The following HNRNPDL variants were observed in gnomAD, a reference collection of about 807,000 sequenced individuals.
HNRNPDL encodes the protein heterogeneous nuclear ribonucleoprotein D-like.
A neutral mutation model predicts 48.0 loss-of-function variants in HNRNPDL; 18 were observed. The observed-to-expected ratio is 0.38, with a 90% CI of 0.26 to 0.56. The LOEUF (loss-of-function observed/expected upper bound fraction) is 0.56, where lower values mean the gene tolerates loss of function less well. HNRNPDL is among the 20% of genes least tolerant of loss of function. HNRNPDL has a pLI of 0.77. For synonymous variants in HNRNPDL, 306 were observed against 207.3 expected (o/e 1.48, Z -4.09); for missense variants, 553 against 540.7 (o/e 1.02, Z -0.23).
rs1231950760 is a variant in HNRNPDL, at chr4:82,429,356, G to A, written c.335C>T (p.Pro112Leu). Residue 112 changes from proline (P) to leucine (L), a missense_variant, in exon 1 of 8, where the codon CCC becomes CTC. By Grantham distance (98) the Pro-to-Leu change is moderately conservative. Transcript: ENST00000295470. ...AAATRTARQHPPADSSVTMED... is the reference protein window; with the variant it reads ...AAATRTARQHLPADSSVTMED... ...CATAGTGACGGAGCTGTCGGCAGGG[G>A]GGTGCTGGCGCGCAGTCCGGGTCGC... 9.3e-6 allele frequency: 15 copies of A among 1,613,668 alleles called. No homozygotes were observed. The highest frequency in any genetic ancestry group is 1.7e-4 in the Middle Eastern group (1 of 6,060).
At chr4:82,426,250 A>G (rs1721401908) in intron 6 of HNRNPDL, 121 bp from the exon 7 acceptor site, 2 of 973,508 alleles carry the variant, frequency 2.1e-6, no homozygotes, top group Non-Finnish European at 1.6e-6. Flanking sequence ...ATATTTTAGC[A>G]CCCATTAGAT....
chr4:82,429,225 G>A (rs2110030821), intron 1 of HNRNPDL, 23 bp downstream of exon 1: 7 of 1,608,526 alleles, frequency 4.4e-6, no homozygotes, highest in Non-Finnish European at 6.0e-6. Context: ...GGGAGGGGGA[G>A]CGGGGGAAGA....
chr4:82,429,394 G>C lies in HNRNPDL; in HGVS notation c.297C>G (p.Ala99=). 1 of 1,613,470 alleles carries C rather than the reference G, an allele frequency of 6.2e-7. No homozygotes were observed. Residue 99 remains alanine, a synonymous_variant, in exon 1 of 8, where the codon GCC becomes GCG. Coordinates refer to ENST00000295470, the MANE Select transcript of HNRNPDL (RefSeq NM_031372.4). The part of the protein sequence containing the change: ...HFKSSSIQRS[A]AAAAATRTAR... The stretch of plus-strand genomic sequence containing the variant: ...CAGTCCGGGTCGCGGCAGCAGCGGC[G>C]GCGGAGCGTTGTATGGAGCTGGATT...
rs1329540036 is a variant in HNRNPDL, at chr4:82,430,270, CTG to C, written c.-582_-581del. 6.6e-6 allele frequency: 1 copy of C among 152,448 alleles called. No homozygotes were observed. Among genetic ancestry groups the C allele is most frequent in the African/African-American group, 2.4e-5 (1 of 41,364 alleles). 9.4% of individuals were successfully genotyped at this position (152,448 alleles called of 1,614,324 possible). A position where few individuals can be genotyped will look rare whatever the true frequency, so the allele number is the denominator to read the frequency against. On this transcript the variant is annotated 5_prime_UTR_variant, in exon 1 of 8. Coordinates refer to ENST00000295470, the MANE Select transcript of HNRNPDL (RefSeq NM_031372.4). Reference sequence around the variant, plus strand: ...GGAGGGGCGGGGGCTGGCCAGATGACTGTATCTATGCAAAGGCGGAGGCGGTG... The same window carrying C: ...GGAGGGGCGGGGGCTGGCCAGATGACTATCTATGCAAAGGCGGAGGCGGTG...
chr4:82,429,187 G>A, intron 1 of HNRNPDL, 61 bp downstream of exon 1: 2 of 1,498,180 alleles, frequency 1.3e-6, no homozygotes, highest in Non-Finnish European at 1.9e-6. Flanking sequence ...CGGCTCACGA[G>A]GAACGAAGGG....
At chr4:82,428,980 C>G (rs1177386847) in intron 1 of HNRNPDL, among the ~76,000 whole-genome samples, 7 of 152,330 alleles carry the variant, frequency 4.6e-5, no homozygotes, top group Middle Eastern at 3.4e-3. Flanking sequence ...GCCCCTCCCC[C>G]CCGGGTCCCA....
chr4:82,427,114 G>T, intron 5 of HNRNPDL, 76 bp downstream of exon 5: 1 of 954,638 alleles, frequency 1.0e-6, no homozygotes, highest in Non-Finnish European at 1.7e-6. Context: ...GTTTTGCTTT[G>T]GTACAGGACT....
At chr4:82,427,652 T>C in intron 3 of HNRNPDL, 88 bp from the exon 4 acceptor site, 1 of 1,207,560 alleles carries the variant, frequency 8.3e-7, no homozygotes, top group South Asian at 1.3e-5. Context: ...GGCTTCAACT[T>C]AAACATGTTA....
At chr4:82,426,805 G>A (rs1188258661) in intron 5 of HNRNPDL, among the ~76,000 whole-genome samples, 172 bp from the exon 6 acceptor site, 1 of 152,174 alleles carries the variant, frequency 6.6e-6, no homozygotes, top group African/African-American at 2.4e-5. Context: ...GAGGCAGAAA[G>A]TCCAATTGTG....
rs1721355847 is a variant in HNRNPDL at position 82,424,878 on chromosome 4, CT to C, written c.*27del. On this transcript the variant is annotated 3_prime_UTR_variant, in exon 8 of 8. Transcript: ENST00000295470. ...CCTGCAAGATGGGTTACTTTAACAT[CT>C]CCTCCTAAAAACAAAAACAAAATAC... 1 of 152,192 alleles carries C rather than the reference CT, an allele frequency of 6.6e-6. No homozygotes were observed. Among genetic ancestry groups the C allele is most frequent in the South Asian group, 2.1e-4 (1 of 4,836 alleles). The allele number at this position is 152,192 out of a possible 1,614,324, so 9.4% of individuals were successfully genotyped here.
At position 82,422,933 on chromosome 4, in the gene HNRNPDL, C is replaced by T. The variant is rs1721242378; in HGVS notation, c.*1973G>A. ...CCAATTACTTTGTTCTAAATTAATC[C>T]TTGGGAACGAGATCTTGATAGTAGC... On this transcript the variant is annotated 3_prime_UTR_variant, in exon 8 of 8. Coordinates refer to ENST00000295470, the MANE Select transcript of HNRNPDL (RefSeq NM_031372.4). The T allele has an allele frequency of 6.6e-6, 1 of 152,144 alleles. No homozygotes were observed. Among genetic ancestry groups the T allele is most frequent in the Non-Finnish European group, 1.5e-5 (1 of 68,032 alleles). The allele number at this position is 152,144 out of a possible 1,614,324, so 9.4% of individuals were successfully genotyped here. A position where few individuals can be genotyped will look rare whatever the true frequency, so the allele number is the denominator to read the frequency against.
Position 82,423,010 on chromosome 4 carries a change from G to C in HNRNPDL, c.*1896C>G, listed in dbSNP as rs578132115. Reference sequence around the variant, plus strand: ...AGCCTTAGAGTATCTGTTCAAATTTGCATCAGTTGGTGAACTGATAGACCC... The same window carrying C: ...AGCCTTAGAGTATCTGTTCAAATTTCCATCAGTTGGTGAACTGATAGACCC... On this transcript the variant is annotated 3_prime_UTR_variant, in exon 8 of 8. Coordinates refer to ENST00000295470, the MANE Select transcript of HNRNPDL (RefSeq NM_031372.4). The C allele has an allele frequency of 2.0e-5, 3 of 151,926 alleles. No homozygotes were observed. Among genetic ancestry groups the C allele is most frequent in the East Asian group, 1.9e-4 (1 of 5,162 alleles). The allele number at this position is 151,926 out of a possible 1,614,324, so 9.4% of individuals were successfully genotyped here. A position where few individuals can be genotyped will look rare whatever the true frequency, so the allele number is the denominator to read the frequency against.
chr4:82,427,925 A>T, intron 3 of HNRNPDL, 93 bp downstream of exon 3: 2 of 1,233,006 alleles, frequency 1.6e-6, no homozygotes, highest in Non-Finnish European at 1.1e-6. Context: ...TTCTACTCTT[A>T]CAGGAAACAT....
At chr4:82,426,719 C>T in intron 5 of HNRNPDL, 86 bp from the exon 6 acceptor site, 2 of 1,134,508 alleles carry the variant, frequency 1.8e-6, no homozygotes, top group Non-Finnish European at 2.6e-6. Flanking sequence ...TCTCACTCTG[C>T]AAATCTTAAA....
intron 1 of HNRNPDL, 64 bp from the exon 2 acceptor site, chr4:82,428,510 T>C: frequency 7.7e-7 from 1 of 1,306,950 alleles, no homozygotes; most frequent in Admixed American, 2.1e-5. Context: ...AGTTCTGGAA[T>C]TAAATCGTGA....
chr4:82,428,568 T>C (rs558245891), intron 1 of HNRNPDL, 122 bp from the exon 2 acceptor site: 3 of 761,372 alleles, frequency 3.9e-6, no homozygotes, highest in East Asian at 2.7e-5. Flanking sequence ...ATTTAATTCA[T>C]GTTTACATTT....
intron 5 of HNRNPDL, among the ~76,000 whole-genome samples, 162 bp downstream of exon 5, chr4:82,427,028 A>C (rs1363558189): frequency 2.6e-5 from 4 of 152,210 alleles, no homozygotes; most frequent in Non-Finnish European, 5.9e-5. Flanking sequence ...CAGTGAGCTC[A>C]CAACAAAAAA....
rs940409711 is a variant in HNRNPDL, at chr4:82,423,948, T to C, written c.*958A>G. 12 of 152,276 alleles carry C rather than the reference T, an allele frequency of 7.9e-5. No individual in the cohort carries two copies. The highest frequency in any genetic ancestry group is 2.7e-4 in the African/African-American group (11 of 41,476). 9.4% of individuals were successfully genotyped at this position (152,276 alleles called of 1,614,324 possible). ...TCTAAACTCACAGAGCATTAACAGC[T>C]AATACAACTTCCTCAGGATGCCCAA... On this transcript the variant is annotated 3_prime_UTR_variant, in exon 8 of 8. Transcript: ENST00000295470.
Position 82,427,493 on chromosome 4 carries a change from A to G in HNRNPDL, c.846T>C (p.Thr282=), listed in dbSNP as rs2110028789. The G allele has an allele frequency of 2.5e-6, 4 of 1,610,416 alleles. No homozygotes were observed. Among genetic ancestry groups the G allele is most frequent in the Non-Finnish European group, 2.5e-6 (3 of 1,178,554 alleles). Reference sequence around the variant, plus strand: ...ACAATTTTTTTACTGGCTCTTCATCAGTATATGTGATAAAACAAAATCCTC... The same window carrying G: ...ACAATTTTTTTACTGGCTCTTCATCGGTATATGTGATAAAACAAAATCCTC... ...ERRGFCFITY[T]DEEPVKKLLE... The change falls in exon 4 of 8, where the codon ACT becomes ACC. Residue 282 remains threonine, a synonymous_variant. Transcript: ENST00000295470.
Sources: allele counts gnomAD v4.1 joint callset (sites outside exome capture counted in the v4.1 genomes callset), GRCh38; gene constraint gnomAD v4.1.1; transcripts MANE v1.5; gene names NCBI Gene and HGNC (gene_info 2026-07-23, HGNC 2026-07-21).